The following POLRMT variants were observed in gnomAD, a reference collection of about 807,000 sequenced individuals.
POLRMT encodes the protein RNA polymerase mitochondrial.
Under a neutral mutation model 132.2 loss-of-function variants are expected in POLRMT, and 114 were observed. The observed-to-expected ratio is 0.86, with a 90% CI of 0.74 to 1.01. The LOEUF (loss-of-function observed/expected upper bound fraction) is 1.01, where lower values mean the gene tolerates loss of function less well. POLRMT is among the 50% of genes least tolerant of loss of function. The pLI is 0.00. For synonymous variants in POLRMT, 1,020 were observed against 773.4 expected (o/e 1.32, Z -5.29); for missense variants, 2,003 against 1,729.1 (o/e 1.16, Z -2.81).
At position 632,949 on chromosome 19, in the gene POLRMT, G is replaced by A. The variant is rs370310147; in HGVS notation, c.89-11C>T. 1.1e-5 allele frequency: 17 copies of A among 1,490,528 alleles called. No homozygotes were observed. Among genetic ancestry groups the A allele is most frequent in the Non-Finnish European group, 8.9e-6 (10 of 1,124,308 alleles). The allele number at this position is 1,490,528 out of a possible 1,614,324, so 92.3% of individuals were successfully genotyped here. The stretch of plus-strand genomic sequence containing the variant: ...CGCCACCGGCGGTCCCTGCGGGAAA[G>A]ACGAGAGCGGCTGAGCGGGGCCGGG... On this transcript the variant is annotated splice_polypyrimidine_tract_variant and intron_variant, in intron 1 of 20. Coordinates refer to ENST00000588649, the MANE Select transcript of POLRMT (RefSeq NM_005035.4).
rs1164184368 is a variant in POLRMT at position 625,301 on chromosome 19, C to T, written c.823-47G>A. ...AGGGTCTGGGGGGATGGCCCAACCTCCACATCCTCCCTGCTCCCTGGAGAC... is the reference window on the plus strand; with the variant it reads ...AGGGTCTGGGGGGATGGCCCAACCTTCACATCCTCCCTGCTCCCTGGAGAC... On this transcript the variant is annotated intron_variant, in intron 3 of 20. Coordinates refer to ENST00000588649, the MANE Select transcript of POLRMT (RefSeq NM_005035.4). The T allele has an allele frequency of 1.9e-6, 3 of 1,608,218 alleles. No individual in the cohort carries two copies. The African/African-American group carries it at 4.0e-5, about 21-fold the overall frequency.
rs764069803 is a variant in POLRMT at position 619,740 on chromosome 19, G to A, written c.2912C>T (p.Ala971Val). The A allele has an allele frequency of 6.3e-7, 1 of 1,592,404 alleles. No homozygotes were observed. Among genetic ancestry groups the A allele is most frequent in the Non-Finnish European group, 8.6e-7 (1 of 1,169,546 alleles). ...CTGTGCCACCCGCATGCCCCGCTGGGCGTCCTGCCTACGGAACACCTCCAC... is the reference window on the plus strand; with the variant it reads ...CTGTGCCACCCGCATGCCCCGCTGGACGTCCTGCCTACGGAACACCTCCAC... ...AQVEVFRRQDAQRGMRVAQVL... is the reference protein window; with the variant it reads ...AQVEVFRRQDVQRGMRVAQVL... Residue 971 changes from alanine (A) to valine (V), a missense_variant, in exon 13 of 21, where the codon GCC becomes GTC. Ala to Val is a moderately conservative substitution (Grantham distance 64). Coordinates refer to ENST00000588649, the MANE Select transcript of POLRMT (RefSeq NM_005035.4).
At position 622,903 on chromosome 19, in the gene POLRMT, C is replaced by T. The variant is rs375940237; in HGVS notation, c.1373G>A (p.Arg458His). The T allele has an allele frequency of 8.4e-5, 136 of 1,612,448 alleles. No homozygotes were observed. Among genetic ancestry groups the T allele is most frequent in the Non-Finnish European group, 1.1e-4 (126 of 1,179,740 alleles). Residue 458 changes from arginine to histidine, a missense_variant, in exon 7 of 21, where the codon CGC becomes CAC. Transcript: ENST00000588649. ...ALRETKNRLE[R>H]EVYEGRFSLY... ...TGAGAACCGGCCCTCGTACACCTCG[C>T]GCTCTAGGCGGTTCTTGGTCTCCCG...
rs189292153 is a variant in POLRMT at position 624,851 on chromosome 19, G to A, written c.1008C>T (p.Ala336=). 36 of 1,613,196 alleles carry A rather than the reference G, an allele frequency of 2.2e-5. No individual in the cohort carries two copies. The highest frequency in any genetic ancestry group is 8.0e-5 in the African/African-American group (6 of 75,058). ...EGLKLQALFT[A]VLLSEEDRAT... ...CCCGATCCTCCTCAGACAGCAGAACGGCGGTGAAGAGTGCCTGCAGCTTCA... is the reference window on the plus strand; with the variant it reads ...CCCGATCCTCCTCAGACAGCAGAACAGCGGTGAAGAGTGCCTGCAGCTTCA... Residue 336 remains alanine (A), a synonymous_variant, in exon 5 of 21, where the codon GCC becomes GCT. Coordinates refer to ENST00000588649, the MANE Select transcript of POLRMT (RefSeq NM_005035.4).
At chr19:620,130 T>C (rs901309571) in intron 11 of POLRMT, 50 bp from the exon 12 acceptor site, 2 of 1,529,578 alleles carry the variant, frequency 1.3e-6, no homozygotes, top group Non-Finnish European at 8.8e-7. Flanking sequence ...GGCAGAGACG[T>C]GTGGGACCCC....
At chr19:630,630 G>A (rs1416954728) in intron 2 of POLRMT, among the ~76,000 whole-genome samples, 3 of 151,808 alleles carry the variant, frequency 2.0e-5, no homozygotes, top group East Asian at 3.9e-4. Context: ...ACCCTGAACC[G>A]CCCACTCCCT....
rs746033828 is a variant in POLRMT at position 621,045 on chromosome 19, G to T, written c.2640+13C>A. On this transcript the variant is annotated intron_variant, in intron 10 of 20. Coordinates refer to ENST00000588649, the MANE Select transcript of POLRMT (RefSeq NM_005035.4). The stretch of plus-strand genomic sequence containing the variant: ...TGCCGGGAGGGCGGGGAATGCGGGG[G>T]CCCCGCCCCTACCGTCAAGGGTTGG... 2 of 1,591,708 alleles carry T rather than the reference G, an allele frequency of 1.3e-6. No homozygotes were observed. Among genetic ancestry groups the T allele is most frequent in the South Asian group, 1.1e-5 (1 of 88,874 alleles).
In POLRMT at chr19:619,439, G is replaced by A. The variant is rs1984320090; in HGVS notation, c.3067-143C>T. ...ATGGGGCCTGGCGCCCACGCAGTCAGCAAGAAACGCCCAAGCCCTAACAGG... is the reference window on the plus strand; with the variant it reads ...ATGGGGCCTGGCGCCCACGCAGTCAACAAGAAACGCCCAAGCCCTAACAGG... On this transcript the variant is annotated intron_variant, in intron 13 of 20. Transcript: ENST00000588649. 3.7e-6 allele frequency: 5 copies of A among 1,354,524 alleles called. 1 individual carries two copies. In the South Asian group the frequency reaches 3.9e-5, roughly 10 times the overall value. The allele number at this position is 1,354,524 out of a possible 1,614,324, so 83.9% of individuals were successfully genotyped here.
intron 8 of POLRMT, 78 bp downstream of exon 8, chr19:622,504 A>C: frequency 1.3e-6 from 2 of 1,494,552 alleles, no homozygotes; most frequent in Non-Finnish European, 1.8e-6. Context: ...GCTTGGGTGC[A>C]AACCCGGCTG....
chr19:625,288 G>C, intron 3 of POLRMT, 34 bp from the exon 4 acceptor site: 2 of 1,611,280 alleles, frequency 1.2e-6, no homozygotes, highest in South Asian at 2.2e-5. Flanking sequence ...GGTCTGGGGG[G>C]ATGGCCCAAC....
chr19:617,792 G>A lies in POLRMT; in HGVS notation c.3480C>T (p.Val1160=), dbSNP rs200460541. Residue 1160 remains valine, a synonymous_variant, in exon 18 of 21, where the codon GTC becomes GTT. Transcript: ENST00000588649. ...ACGGGGGCACCTGGTTCATGACGGAGACATCAGCTGCGTGAGTCCAGTAAC... is the reference window on the plus strand; with the variant it reads ...ACGGGGGCACCTGGTTCATGACGGAAACATCAGCTGCGTGAGTCCAGTAAC... The part of the protein sequence containing the change: ...HDCYWTHAAD[V]SVMNQVCREQ... 54 of 1,613,346 alleles carry A rather than the reference G, an allele frequency of 3.3e-5. No individual in the cohort carries two copies. The East Asian group carries it at 1.1e-3, about 34-fold the overall frequency.
chr19:628,827 AC>A (rs1228007172), intron 3 of POLRMT, among the ~76,000 whole-genome samples: 2 of 151,786 alleles, frequency 1.3e-5, no homozygotes, highest in Non-Finnish European at 2.9e-5. Context: ...ACACGGTGAA[AC>A]CCCCGTCTCT....
Position 633,529 on chromosome 19 carries a change from G to GGCGCCGCCGCT in POLRMT, c.-18_-17insAGCGGCGGCGC. Reference sequence around the variant, plus strand: ...TGCCGACATTACGCACGCCGCTCCAGGCCACCCCACCGGCCCGCGCCTGCG... The same window carrying GGCGCCGCCGCT: ...TGCCGACATTACGCACGCCGCTCCAGGCGCCGCCGCTGCCACCCCACCGGCCCGCGCCTGCG... On this transcript the variant is annotated 5_prime_UTR_variant, in exon 1 of 21. Transcript: ENST00000588649. The GGCGCCGCCGCT allele has an allele frequency of 6.8e-7, 1 of 1,463,690 alleles. No individual in the cohort carries two copies. Among genetic ancestry groups the GGCGCCGCCGCT allele is most frequent in the East Asian group, 2.8e-5 (1 of 35,474 alleles). The allele number at this position is 1,463,690 out of a possible 1,614,324, so 90.7% of individuals were successfully genotyped here.
intron 2 of POLRMT, among the ~76,000 whole-genome samples, chr19:632,060 A>C (rs528719168): frequency 4.6e-4 from 69 of 148,874 alleles, no homozygotes; most frequent in African/African-American, 1.3e-3. Context: ...GGCGTGAGCC[A>C]CCGCACCAGG....
chr19:631,013 G>C (rs1199080726), intron 2 of POLRMT, among the ~76,000 whole-genome samples: 1 of 151,554 alleles, frequency 6.6e-6, no homozygotes, highest in African/African-American at 2.4e-5. Flanking sequence ...CAAAAAATTA[G>C]CTGGGCGTGG....
chr19:623,855 G>A (rs1390951118), intron 5 of POLRMT, among the ~76,000 whole-genome samples: 1 of 152,226 alleles, frequency 6.6e-6, no homozygotes, highest in Non-Finnish European at 1.5e-5. Flanking sequence ...GGGCGGTGAT[G>A]CTGGGAGCTG....
In POLRMT at chr19:621,738, G is replaced by A; in HGVS notation, c.1960C>T (p.Pro654Ser). Residue 654 changes from proline (P) to serine (S), a missense_variant, in exon 10 of 21, where the codon CCC becomes TCC. Pro to Ser is a moderately conservative substitution (Grantham distance 74). Transcript: ENST00000588649. ...VDVPMLCPPL[P>S]WTSPHSGAFL... ...GCACCAGAGTGCGGCGATGTCCAGGGCAGCGGGGGGCAAAGCATGGGTACA... is the reference window on the plus strand; with the variant it reads ...GCACCAGAGTGCGGCGATGTCCAGGACAGCGGGGGGCAAAGCATGGGTACA... 2 of 1,600,244 alleles carry A rather than the reference G, an allele frequency of 1.2e-6. No individual in the cohort carries two copies. Among genetic ancestry groups the A allele is most frequent in the South Asian group, 1.1e-5 (1 of 90,950 alleles).
intron 1 of POLRMT, 125 bp from the exon 2 acceptor site, chr19:633,063 G>A: frequency 2.8e-6 from 2 of 725,718 alleles, no homozygotes; most frequent in East Asian, 3.3e-5. Context: ...CGGAGCACGG[G>A]CTTAAGTTGG....
At chr19:618,140 A>G (rs1984158657) in intron 17 of POLRMT, 1 of 564,432 alleles carries the variant, frequency 1.8e-6, no homozygotes, top group Admixed American at 3.1e-5. Flanking sequence ...TGCCAGGGCC[A>G]CCACCCCGCA....
Sources: allele counts gnomAD v4.1 joint callset (sites outside exome capture counted in the v4.1 genomes callset), GRCh38; gene constraint gnomAD v4.1.1; transcripts MANE v1.5; gene names NCBI Gene and HGNC (gene_info 2026-07-23, HGNC 2026-07-21).